Variants in ZNF385D observed in about 807,000 individuals in gnomAD.
ZNF385D encodes the protein zinc finger protein 659.
In ZNF385D, 15 loss-of-function variants were observed where a neutral mutation model predicts 35.8. The ratio of observed to expected loss-of-function variants is 0.42; its 90% CI spans 0.28 to 0.64. ZNF385D has a LOEUF of 0.64. Ranked by LOEUF, ZNF385D falls within the 30% of genes least tolerant of loss-of-function variation. The pLI, the probability that ZNF385D is intolerant of heterozygous loss-of-function variation, is 0.23. For synonymous variants in ZNF385D, 212 were observed against 186.8 expected, an observed-to-expected ratio of 1.13 and a Z score of -1.10; for missense variants, 474 against 494.6, an observed-to-expected ratio of 0.96 and a Z score of 0.39.
intron 3 of ZNF385D, among the ~76,000 whole-genome samples, chr3:22,132,369 C>G (rs1164919092): frequency 6.6e-6 from 1 of 152,130 alleles, no homozygotes; most frequent in East Asian, 1.9e-4. Context: ...TCCCAGCCTT[C>G]AGAACTGAGA....
chr3:22,309,376 G>C (rs1275042514), intron 2 of ZNF385D, among the ~76,000 whole-genome samples: 6 of 152,000 alleles, frequency 3.9e-5, no homozygotes, highest in African/African-American at 1.4e-4. Flanking sequence ...AAGAAGAGAA[G>C]CAAGTATAAA....
chr3:22,204,099 T>C (rs923340724), intron 2 of ZNF385D, among the ~76,000 whole-genome samples: 23 of 152,168 alleles, frequency 1.5e-4, no homozygotes, highest in Admixed American at 1.4e-3. Flanking sequence ...ACAGGGTTGC[T>C]TCTTACACGA....
intron 3 of ZNF385D, among the ~76,000 whole-genome samples, chr3:21,829,246 G>T (rs926754672): frequency 6.6e-6 from 1 of 152,272 alleles, no homozygotes; most frequent in African/African-American, 2.4e-5. Flanking sequence ...AGGAGAGTGA[G>T]TAATTGGGTA....
chr3:22,321,685 T>C (rs1006527360), intron 2 of ZNF385D, among the ~76,000 whole-genome samples: 5 of 152,156 alleles, frequency 3.3e-5, no homozygotes, highest in African/African-American at 1.2e-4. Context: ...GTATTTAATG[T>C]AATGACTGAT....
Position 21,575,920 on chromosome 3 carries a change from G to A in ZNF385D, c.166-11236C>T, listed in dbSNP as rs2063483865. 1.3e-5 allele frequency among the ~76,000 whole-genome samples: 2 copies of A among 152,250 alleles called. 1 individual carries two copies. Among genetic ancestry groups the A allele is most frequent in the Middle Eastern group, 6.8e-3 (2 of 294 alleles). On this transcript the variant is annotated intron_variant, in intron 2 of 7. Coordinates refer to ENST00000281523, the MANE Select transcript of ZNF385D (RefSeq NM_024697.3). Reference sequence around the variant, plus strand: ...TCTAAACAGTATCAGCCTTGGTATAGTATTAACAATAGCAGTGGGAAAACC... The same window carrying A: ...TCTAAACAGTATCAGCCTTGGTATAATATTAACAATAGCAGTGGGAAAACC...
intron 3 of ZNF385D, among the ~76,000 whole-genome samples, chr3:21,854,326 C>T (rs373909678): frequency 6.6e-6 from 1 of 151,890 alleles, no homozygotes; most frequent in South Asian, 2.1e-4. Context: ...CTATTCCAAC[C>T]TTGCCTAGGA....
chr3:22,215,023 C>T (rs995604543), intron 2 of ZNF385D, among the ~76,000 whole-genome samples: 1 of 151,972 alleles, frequency 6.6e-6, no homozygotes, highest in African/African-American at 2.4e-5. Flanking sequence ...CCCAGACACC[C>T]AGCTTTACAA....
rs1267986795 is a variant in ZNF385D, at chr3:21,574,344, TAA to T, written c.166-9662_166-9661del. On this transcript the variant is annotated intron_variant, in intron 2 of 7. Transcript: ENST00000281523. ...ATTCCTAACTGAAAAAACTACAAAA[TAA>T]ATGACAAGGTTTCCTGAACATATAA... 1.3e-5 allele frequency among the ~76,000 whole-genome samples: 2 copies of T among 151,870 alleles called. 1 individual carries two copies. Among genetic ancestry groups the T allele is most frequent in the African/African-American group, 4.8e-5 (2 of 41,290 alleles).
chr3:21,984,526 T>C lies in ZNF385D; in HGVS notation c.325+184291A>G, dbSNP rs1286266934. 1.5e-4 allele frequency among the ~76,000 whole-genome samples: 19 copies of C among 128,238 alleles called. 2 individuals are homozygous for C. Among genetic ancestry groups the C allele is most frequent in the South Asian group, 1.2e-3 (4 of 3,294 alleles). 84.1% of individuals were successfully genotyped at this position (128,238 alleles called of 152,430 possible). On this transcript the variant is annotated intron_variant, in intron 3 of 5. Coordinates refer to the ZNF385D transcript ENST00000494108. ...CTCTGTTCTGTTCCATTGATCTATA[T>C]CTCTGTTTTGGTACCAGTACCATGC...
In ZNF385D at chr3:21,946,463, T is replaced by G. The variant is rs577859899; in HGVS notation, c.325+222354A>C. On this transcript the variant is annotated intron_variant, in intron 3 of 5. Transcript: ENST00000494108. ...GATAAAAAGTTTTTGAAGTTTTTCT[T>G]TGTTTCTCTAATACATATTTTTAAG... 1.1e-3 allele frequency among the ~76,000 whole-genome samples: 149 copies of G among 139,304 alleles called. 6 individuals are homozygous for G. In the South Asian group the frequency reaches 0.031, roughly 29 times the overall value. 91.4% of individuals were successfully genotyped at this position (139,304 alleles called of 152,430 possible).
At chr3:21,934,051 T>G (rs976644839) in intron 3 of ZNF385D, among the ~76,000 whole-genome samples, 1 of 150,558 alleles carries the variant, frequency 6.6e-6, no homozygotes, top group South Asian at 2.1e-4. Flanking sequence ...TGCTGAAAAA[T>G]GAAAATTTAG....
At chr3:21,855,610 A>G (rs1696665745) in intron 3 of ZNF385D, among the ~76,000 whole-genome samples, 1 of 152,052 alleles carries the variant, frequency 6.6e-6, no homozygotes, top group Admixed American at 6.6e-5. Context: ...AAGATCATCC[A>G]AATAAGATAT....
intron 2 of ZNF385D, among the ~76,000 whole-genome samples, chr3:21,583,297 G>A (rs2063718527): frequency 6.6e-6 from 1 of 152,132 alleles, no homozygotes; most frequent in African/African-American, 2.4e-5. Context: ...TGATTTAAGA[G>A]GTTATTTTGT....
chr3:22,307,274 TAA>T (rs1703280336), intron 2 of ZNF385D, among the ~76,000 whole-genome samples: 1 of 152,112 alleles, frequency 6.6e-6, no homozygotes, highest in East Asian at 1.9e-4. Flanking sequence ...GGAATGAAGA[TAA>T]GTCTGCAATG....
Position 21,822,777 on chromosome 3 carries a change from CATAA to C in ZNF385D, c.326-157753_326-157750del, listed in dbSNP as rs1184692872. 1.1e-3 allele frequency among the ~76,000 whole-genome samples: 172 copies of C among 151,592 alleles called. 3 individuals are homozygous for C. The highest frequency in any genetic ancestry group is 2.4e-4 in the Non-Finnish European group (16 of 67,864). The stretch of plus-strand genomic sequence containing the variant: ...AATAAAGTATAATGATATTCATCAA[CATAA>C]ATAAATCTCGAAAACAATGTTGAGT... On this transcript the variant is annotated intron_variant, in intron 3 of 5. Transcript: ENST00000494108.
At chr3:22,121,383 A>G (rs968137611) in intron 3 of ZNF385D, among the ~76,000 whole-genome samples, 1 of 152,208 alleles carries the variant, frequency 6.6e-6, no homozygotes, top group Non-Finnish European at 1.5e-5. Flanking sequence ...GATTTAACTC[A>G]GCATGCATAA....
chr3:22,349,399 G>A (rs1291142134), intron 2 of ZNF385D, among the ~76,000 whole-genome samples: 2 of 152,166 alleles, frequency 1.3e-5, no homozygotes, highest in South Asian at 4.1e-4. Context: ...TGCTCAGTGT[G>A]GAGGTAGTTG....
intron 3 of ZNF385D, among the ~76,000 whole-genome samples, chr3:21,550,355 GA>G (rs1244017357): frequency 1.3e-5 from 2 of 151,974 alleles, no homozygotes; most frequent in African/African-American, 4.8e-5. Flanking sequence ...TACTAGGGAG[GA>G]AAAAATACTC....
At chr3:22,187,360 C>T (rs1044855615) in intron 2 of ZNF385D, among the ~76,000 whole-genome samples, 1 of 152,038 alleles carries the variant, frequency 6.6e-6, no homozygotes, top group African/African-American at 2.4e-5. Context: ...CTCATGATAA[C>T]TAATGGAGCA....
Sources: allele counts gnomAD v4.1 joint callset (sites outside exome capture counted in the v4.1 genomes callset), GRCh38; gene constraint gnomAD v4.1.1; transcripts MANE v1.5; gene names NCBI Gene and HGNC (gene_info 2026-07-23, HGNC 2026-07-21).